Variants in CARD19 observed in about 807,000 individuals in gnomAD.
CARD19 encodes the protein caspase recruitment domain-containing protein 19.
In CARD19, 25 loss-of-function variants were observed where a neutral mutation model predicts 24.1. That is an observed-to-expected ratio of 1.04 (90% CI 0.76 to 1.45). The LOEUF is 1.45. CARD19 is among the 40% of genes most tolerant of loss of function. The pLI is 0.00. For synonymous variants in CARD19, 103 were observed against 104.9 expected (o/e 0.98, Z 0.11); for missense variants, 241 against 247.4 (o/e 0.97, Z 0.17).
chr9:93,107,292 G>A (rs1181867674), intron 1 of CARD19, among the ~76,000 whole-genome samples: 1 of 152,218 alleles, frequency 6.6e-6, no homozygotes, highest in African/African-American at 2.4e-5. Flanking sequence ...CACCGTGCCT[G>A]GCCCTGGGCA....
intron 1 of CARD19, among the ~76,000 whole-genome samples, chr9:93,098,638 G>A (rs1826967274): frequency 6.6e-6 from 1 of 152,192 alleles, no homozygotes; most frequent in African/African-American, 2.4e-5. Context: ...TGCCTTTTCT[G>A]GCTTCCAAGT....
At chr9:93,103,969 C>A (rs1294035130) in intron 1 of CARD19, among the ~76,000 whole-genome samples, 1 of 152,206 alleles carries the variant, frequency 6.6e-6, no homozygotes, top group Admixed American at 6.5e-5. Flanking sequence ...TGCTTGTTGA[C>A]ACATTCAAAC....
chr9:93,099,463 T>C (rs1826999099), intron 1 of CARD19, among the ~76,000 whole-genome samples: 1 of 152,226 alleles, frequency 6.6e-6, no homozygotes, highest in Admixed American at 6.5e-5. Flanking sequence ...CTTGGGCAGG[T>C]ACCTTATCTT....
At chr9:93,103,410 G>T (rs1171533721) in intron 1 of CARD19, among the ~76,000 whole-genome samples, 3 of 152,084 alleles carry the variant, frequency 2.0e-5, no homozygotes, top group Non-Finnish European at 4.4e-5. Context: ...TTATCTCTAG[G>T]TTACTTATAA....
At chr9:93,101,438 G>A (rs73522730) in intron 1 of CARD19, among the ~76,000 whole-genome samples, 2,101 of 148,788 alleles carry the variant, frequency 0.014, 58 homozygotes, top group African/African-American at 0.05. Flanking sequence ...TGGATCACAC[G>A]GTAATTCTTT....
At chr9:93,100,854 A>G (rs1427647099) in intron 1 of CARD19, among the ~76,000 whole-genome samples, 2 of 152,242 alleles carry the variant, frequency 1.3e-5, no homozygotes, top group African/African-American at 2.4e-5. Flanking sequence ...TGCACTTAGC[A>G]TAATGTTTTC....
At chr9:93,097,952 A>C (rs1344361874) in intron 1 of CARD19, among the ~76,000 whole-genome samples, 1 of 152,252 alleles carries the variant, frequency 6.6e-6, no homozygotes, top group Non-Finnish European at 1.5e-5. Flanking sequence ...GGAGGGTCAT[A>C]TGGACAGCCC....
chr9:93,100,505 G>A (rs1165167631), intron 1 of CARD19, among the ~76,000 whole-genome samples: 1 of 152,140 alleles, frequency 6.6e-6, no homozygotes, highest in African/African-American at 2.4e-5. Context: ...AATAATATTC[G>A]TTGTATGGAT....
chr9:93,105,163 T>G lies in CARD19; in HGVS notation c.8-2511T>G, dbSNP rs974602127. Among the ~76,000 whole-genome samples the G allele has an allele frequency of 2.9e-5, 4 of 137,098 alleles. No individual in the cohort carries two copies. In the Admixed American group the frequency reaches 3.0e-4, roughly 10 times the overall value. 89.9% of individuals were successfully genotyped at this position (137,098 alleles called of 152,430 possible). On this transcript the variant is annotated intron_variant, in intron 1 of 5. Coordinates refer to ENST00000375464, the MANE Select transcript of CARD19 (RefSeq NM_032310.5). ...CCTTAGGTTTTAGCGCGGTGTAAGGTGTGTGTGTGTGTGTGCACGCGCGTG... is the reference window on the plus strand; with the variant it reads ...CCTTAGGTTTTAGCGCGGTGTAAGGGGTGTGTGTGTGTGTGCACGCGCGTG...
chr9:93,103,004 T>C (rs1827137546), intron 1 of CARD19, among the ~76,000 whole-genome samples: 1 of 152,222 alleles, frequency 6.6e-6, no homozygotes, highest in Non-Finnish European at 1.5e-5. Flanking sequence ...TGCTTTTAAT[T>C]AGCTCTAACT....
intron 1 of CARD19, among the ~76,000 whole-genome samples, chr9:93,098,923 A>G (rs1224295739): frequency 6.8e-5 from 8 of 117,470 alleles, no homozygotes; most frequent in Non-Finnish European, 1.4e-4. Context: ...TTTTTTTGAG[A>G]CAGAGTCTCA....
Position 93,103,560 on chromosome 9 carries a change from G to A in CARD19, c.8-4114G>A, listed in dbSNP as rs75757061. ...GCTGTTGATTTAATCCCTGGATATGGAAACTGCAGAGATAGAGTGCCAACT... is the reference window on the plus strand; with the variant it reads ...GCTGTTGATTTAATCCCTGGATATGAAAACTGCAGAGATAGAGTGCCAACT... On this transcript the variant is annotated intron_variant, in intron 1 of 5. Coordinates refer to ENST00000375464, the MANE Select transcript of CARD19 (RefSeq NM_032310.5). 8.3e-3 allele frequency among the ~76,000 whole-genome samples: 1,257 copies of A among 152,290 alleles called. 6 individuals are homozygous for A. The highest frequency in any genetic ancestry group is 9.2e-3 in the Non-Finnish European group (627 of 68,032).
In CARD19 at chr9:93,103,218, G is replaced by A. The variant is rs188267716; in HGVS notation, c.8-4456G>A. 8.5e-5 allele frequency among the ~76,000 whole-genome samples: 13 copies of A among 152,254 alleles called. No homozygotes were observed. The East Asian group carries it at 1.9e-3, about 23-fold the overall frequency. The stretch of plus-strand genomic sequence containing the variant: ...TTTATCTTGTTCCTGATCTTAAGAA[G>A]CTTTCGGTCTTTCACCGTTAAGGTA... On this transcript the variant is annotated intron_variant, in intron 1 of 5. Coordinates refer to ENST00000375464, the MANE Select transcript of CARD19 (RefSeq NM_032310.5).
chr9:93,112,270 C>G lies in CARD19; in HGVS notation c.417C>G (p.Leu139=), dbSNP rs1026859822. ...GLGLAVGLAL[L]LYCYPPDPKG... ...GCCTTGCTGTGGGACTGGCCCTGCT[C>G]CTGTACTGCTATCCGCCAGGTGGGT... Residue 139 remains leucine, a synonymous_variant, in exon 5 of 6, where the codon CTC becomes CTG. Coordinates refer to ENST00000375464, the MANE Select transcript of CARD19 (RefSeq NM_032310.5). 2.6e-6 allele frequency: 4 copies of G among 1,544,538 alleles called. No homozygotes were observed. The African/African-American group carries it at 4.1e-5, about 16-fold the overall frequency.
chr9:93,108,198 G>A (rs1827336861), intron 2 of CARD19, among the ~76,000 whole-genome samples: 1 of 152,190 alleles, frequency 6.6e-6, no homozygotes, highest in Admixed American at 6.5e-5. Flanking sequence ...GGAGGGAGGA[G>A]GCAGAGGGAG....
At position 93,113,166 on chromosome 9, in the gene CARD19, GC is replaced by G. The variant is rs1827578598; in HGVS notation, c.*61del. On this transcript the variant is annotated 3_prime_UTR_variant, in exon 6 of 6. Coordinates refer to ENST00000375464, the MANE Select transcript of CARD19 (RefSeq NM_032310.5). The stretch of plus-strand genomic sequence containing the variant: ...AACCAAAGAGTCCTCGAGCCGGCCC[GC>G]CAAGGGGACTGCTGCTTCTTTTTCT... The G allele has an allele frequency of 9.4e-6, 10 of 1,062,814 alleles. No individual in the cohort carries two copies. The highest frequency in any genetic ancestry group is 1.5e-5 in the South Asian group (1 of 66,130). 65.8% of individuals were successfully genotyped at this position (1,062,814 alleles called of 1,614,324 possible).
chr9:93,099,573 C>G (rs1827003081), intron 1 of CARD19, among the ~76,000 whole-genome samples: 1 of 152,184 alleles, frequency 6.6e-6, no homozygotes, highest in East Asian at 1.9e-4. Context: ...ACGTAGGGCT[C>G]ACAGAGTGCC....
At chr9:93,110,537 G>T in intron 2 of CARD19, 31 bp from the exon 3 acceptor site, 1 of 1,564,556 alleles carries the variant, frequency 6.4e-7, no homozygotes. Flanking sequence ...CCCCTGGCCT[G>T]ATCTTCCCTG....
rs1228361035 is a variant in CARD19 at position 93,113,279 on chromosome 9, T to C, written c.*172T>C. The C allele has an allele frequency of 4.0e-6, 2 of 496,514 alleles. No individual in the cohort carries two copies. Among genetic ancestry groups the C allele is most frequent in the East Asian group, 7.0e-5 (2 of 28,584 alleles). 30.8% of individuals were successfully genotyped at this position (496,514 alleles called of 1,614,324 possible). A position where few individuals can be genotyped will look rare whatever the true frequency, so the allele number is the denominator to read the frequency against. On this transcript the variant is annotated 3_prime_UTR_variant, in exon 6 of 6. Transcript: ENST00000375464. ...CTGACCATATTAAATGTTCAGGTTC[T>C]CTCAGCCTGCCTCGTTCCTCAGTCT...
Sources: allele counts gnomAD v4.1 joint callset (sites outside exome capture counted in the v4.1 genomes callset), GRCh38; gene constraint gnomAD v4.1.1; transcripts MANE v1.5; gene names NCBI Gene and HGNC (gene_info 2026-07-23, HGNC 2026-07-21).